AKR1C1: variants seen among roughly 807,000 people sequenced by gnomAD.
AKR1C1 encodes 20 alpha-hydroxysteroid dehydrogenase.
AKR1C1 carries 32 observed loss-of-function variants against 40.6 expected under a neutral mutation model. The ratio of observed to expected loss-of-function variants is 0.79; its 90% CI spans 0.60 to 1.06. The LOEUF (loss-of-function observed/expected upper bound fraction) is 1.06. Among genes scored for constraint, AKR1C1 ranks in the 50% least tolerant of loss-of-function variants. AKR1C1 has a pLI of 0.00. For synonymous variants in AKR1C1, 105 were observed against 134.2 expected (o/e 0.78, Z 1.50); for missense variants, 320 against 363.5 (o/e 0.88, Z 0.97).
chr10:4,965,699 C>T (rs571949922), intron 1 of AKR1C1: 12 of 493,834 alleles, frequency 2.4e-5, no homozygotes, highest in Non-Finnish European at 4.2e-5. Flanking sequence ...AGTGGTCAAG[C>T]AGTGATTTTT....
At position 4,977,680 on chromosome 10, in the gene AKR1C1, A is replaced by T. The variant is rs1564319381; in HGVS notation, c.930-20A>T. Reference sequence around the variant, plus strand: ...GGAGTCATTGCCATTCAGAGTGTGCATTTTTTTTTCTCTTTCCAGTTTTGC... The same window carrying T: ...GGAGTCATTGCCATTCAGAGTGTGCTTTTTTTTTTCTCTTTCCAGTTTTGC... On this transcript the variant is annotated intron_variant, in intron 8 of 8. Transcript: ENST00000380872. 3 of 1,597,970 alleles carry T rather than the reference A, an allele frequency of 1.9e-6. No homozygotes were observed. Among genetic ancestry groups the T allele is most frequent in the Non-Finnish European group, 2.6e-6 (3 of 1,169,826 alleles).
At chr10:4,966,726 T>G (rs1707922945) in intron 2 of AKR1C1, among the ~76,000 whole-genome samples, 6 of 152,244 alleles carry the variant, frequency 3.9e-5, no homozygotes, top group Admixed American at 3.9e-4. Flanking sequence ...TCATTCAATA[T>G]ATGTACTAAC....
In AKR1C1 at chr10:4,966,038, C is replaced by A. The variant is rs1836327884; in HGVS notation, c.209C>A (p.Ala70Glu). Residue 70 changes from alanine (A) to glutamate (E), a missense_variant, in exon 2 of 9, where the codon GCA (alanine) becomes GAA (glutamate). Around this residue, in one of 3 missense-constraint regions of AKR1C1, gnomAD observed 214 missense variants for 214.8 expected, o/e 1.00. Coordinates refer to ENST00000380872, the MANE Select transcript of AKR1C1 (RefSeq NM_001353.6). Reference protein sequence around the residue: ...QVGLAIRSKIADGSVKREDIF... With the variant: ...QVGLAIRSKIEDGSVKREDIF... ...GGACTGGCCATCCGAAGCAAGATTG[C>A]AGATGGCAGTGTGAAGAGAGAAGAC... is the stretch of plus-strand genomic sequence containing the variant. 1 of 1,614,032 alleles carries A rather than the reference C, an allele frequency of 6.2e-7. No homozygotes were observed. Among genetic ancestry groups the A allele is most frequent in the South Asian group, 1.1e-5 (1 of 91,082 alleles).
At chr10:4,967,145 A>T (rs1351938098) in intron 3 of AKR1C1, 102 bp downstream of exon 3, 1 of 1,250,008 alleles carries the variant, frequency 8.0e-7, no homozygotes, top group Admixed American at 2.0e-5. Flanking sequence ...GGACATAGGG[A>T]TTATAACATA....
intron 7 of AKR1C1, among the ~76,000 whole-genome samples, chr10:4,974,576 A>G (rs1412727902): frequency 6.6e-6 from 1 of 152,022 alleles, no homozygotes; most frequent in African/African-American, 2.4e-5. Context: ...GTTAATTCTA[A>G]TGGGATTGAC....
rs1836578199 is a variant in AKR1C1 at position 4,979,292 on chromosome 10, C to A, written c.*1550C>A. On this transcript the variant is annotated 3_prime_UTR_variant, in exon 9 of 9. Transcript: ENST00000380872. ...CTGCATTAAATATTAAATATCACTT[C>A]TAGGCTGAAAAATCCCCCTAAAAAT... 6.6e-6 allele frequency: 1 copy of A among 152,198 alleles called. No individual in the cohort carries two copies. The highest frequency in any genetic ancestry group is 1.5e-5 in the Non-Finnish European group (1 of 68,020). 9.4% of individuals were successfully genotyped at this position (152,198 alleles called of 1,614,324 possible).
intron 5 of AKR1C1, 51 bp downstream of exon 5, chr10:4,968,995 G>A: frequency 1.2e-6 from 2 of 1,613,140 alleles, no homozygotes; most frequent in Non-Finnish European, 1.7e-6. Context: ...CCCTCTTTCT[G>A]TCCTATTGCC....
rs1836568157 is a variant in AKR1C1, at chr10:4,978,768, A to G, written c.*1026A>G. ...GGGAAATAATACATCTAATAAATCA[A>G]ATGTTCCAAGACTTCAAAGGTCTTT... On this transcript the variant is annotated 3_prime_UTR_variant, in exon 9 of 9. Transcript: ENST00000380872. The G allele has an allele frequency of 6.6e-6, 1 of 152,232 alleles. No individual in the cohort carries two copies. Among genetic ancestry groups the G allele is most frequent in the Admixed American group, 6.5e-5 (1 of 15,270 alleles). The allele number at this position is 152,232 out of a possible 1,614,324, so 9.4% of individuals were successfully genotyped here.
chr10:4,983,088 A>C lies in AKR1C1; in HGVS notation c.*5346A>C. The C allele has an allele frequency of 2.9e-6, 1 of 348,736 alleles. No individual in the cohort carries two copies. The highest frequency in any genetic ancestry group is 2.3e-5 in the South Asian group (1 of 43,430). The allele number at this position is 348,736 out of a possible 1,614,324, so 21.6% of individuals were successfully genotyped here. A position where few individuals can be genotyped will look rare whatever the true frequency, so the allele number is the denominator to read the frequency against. On this transcript the variant is annotated 3_prime_UTR_variant, in exon 9 of 9. Coordinates refer to ENST00000380872, the MANE Select transcript of AKR1C1 (RefSeq NM_001353.6). ...GGTGAAGCCTGGGCTGGATGGCTGG[A>C]GGATGAAGAACTGCACGGAGGAGAT...
chr10:4,969,693 T>A (rs755495625), intron 5 of AKR1C1: 148 of 1,611,918 alleles, frequency 9.2e-5, no homozygotes, highest in Admixed American at 1.2e-4. Context: ...TAATTCCATC[T>A]TTTCCTTGAG....
chr10:4,969,982 T>C (rs527778756), intron 5 of AKR1C1: 149 of 430,276 alleles, frequency 3.5e-4, no homozygotes, highest in African/African-American at 2.5e-3. Context: ...TTTTTTAATA[T>C]GGCCATTTTC....
At chr10:4,972,914 A>G (rs1415380521) in intron 7 of AKR1C1, among the ~76,000 whole-genome samples, 165 bp downstream of exon 7, 4 of 152,282 alleles carry the variant, frequency 2.6e-5, no homozygotes, top group African/African-American at 9.6e-5. Context: ...CTAGCACAGG[A>G]GAGGCAACAG....
rs1473726250 is a variant in AKR1C1 at position 4,979,202 on chromosome 10, G to C, written c.*1460G>C. ...ATTGGAGTAGGCCATAAACTTTGGA[G>C]GGCCCTAGACCAATTTTTTGGATTA... On this transcript the variant is annotated 3_prime_UTR_variant, in exon 9 of 9. Transcript: ENST00000380872. 1 of 152,134 alleles carries C rather than the reference G, an allele frequency of 6.6e-6. No individual in the cohort carries two copies. The highest frequency in any genetic ancestry group is 1.5e-5 in the Non-Finnish European group (1 of 68,020). 9.4% of individuals were successfully genotyped at this position (152,134 alleles called of 1,614,324 possible).
In AKR1C1 at chr10:4,981,039, T is replaced by C. The variant is rs1347965537; in HGVS notation, c.*3297T>C. The stretch of plus-strand genomic sequence containing the variant: ...TTAGCAGGCATGGAAAGAACAGTAA[T>C]CTCTTTCAACCTCTGTAAGAGAGTT... On this transcript the variant is annotated 3_prime_UTR_variant, in exon 9 of 9. Coordinates refer to ENST00000380872, the MANE Select transcript of AKR1C1 (RefSeq NM_001353.6). The C allele has an allele frequency of 6.6e-6, 1 of 152,216 alleles. No individual in the cohort carries two copies. Among genetic ancestry groups the C allele is most frequent in the Non-Finnish European group, 1.5e-5 (1 of 68,030 alleles). The allele number at this position is 152,216 out of a possible 1,614,324, so 9.4% of individuals were successfully genotyped here.
At chr10:4,967,117 C>T in intron 3 of AKR1C1, 74 bp downstream of exon 3, 1 of 1,456,844 alleles carries the variant, frequency 6.9e-7, no homozygotes, top group South Asian at 1.2e-5. Flanking sequence ...GATATTTGAA[C>T]TAAGCATTTT....
In AKR1C1 at chr10:4,981,830, A is replaced by G. The variant is rs1836620918; in HGVS notation, c.*4088A>G. ...ATATGAGCACAGAAGCTGGGTGTCCAGCCTTGTGGGCAGACCGGGAGGGAT... is the reference window on the plus strand; with the variant it reads ...ATATGAGCACAGAAGCTGGGTGTCCGGCCTTGTGGGCAGACCGGGAGGGAT... On this transcript the variant is annotated 3_prime_UTR_variant, in exon 9 of 9. Coordinates refer to ENST00000380872, the MANE Select transcript of AKR1C1 (RefSeq NM_001353.6). 6.6e-6 allele frequency: 1 copy of G among 152,274 alleles called. No individual in the cohort carries two copies. 9.4% of individuals were successfully genotyped at this position (152,274 alleles called of 1,614,324 possible).
In AKR1C1 at chr10:4,979,829, A is replaced by AT. The variant is rs1308651173; in HGVS notation, c.*2093dup. On this transcript the variant is annotated 3_prime_UTR_variant, in exon 9 of 9. Coordinates refer to ENST00000380872, the MANE Select transcript of AKR1C1 (RefSeq NM_001353.6). ...GGGACCTCCAATCACTAATTTTCCT[A>AT]TTTTTTCTCTCAAAGAAATGCTGAA... is the stretch of plus-strand genomic sequence containing the variant. 1.3e-5 allele frequency: 2 copies of AT among 151,478 alleles called. No individual in the cohort carries two copies. Among genetic ancestry groups the AT allele is most frequent in the Non-Finnish European group, 2.9e-5 (2 of 67,892 alleles). 9.4% of individuals were successfully genotyped at this position (151,478 alleles called of 1,614,324 possible).
At chr10:4,975,611 T>C (rs797028978) in intron 7 of AKR1C1, among the ~76,000 whole-genome samples, 6,978 of 142,992 alleles carry the variant, frequency 0.049, no homozygotes, top group Middle Eastern at 0.076. Context: ...TCCTCTGAGA[T>C]ATTCTCTTCA....
intron 1 of AKR1C1, 187 bp from the exon 2 acceptor site, chr10:4,965,726 TC>T (rs1836319725): frequency 1.7e-6 from 1 of 591,562 alleles, no homozygotes; most frequent in Non-Finnish European, 2.8e-6. Flanking sequence ...CTGCAGAAGT[TC>T]CTGCTGTGCC....
Sources: gnomAD v4.1 joint callset for allele counts (sites outside exome capture counted in the v4.1 genomes callset) on GRCh38, gnomAD v4.1.1 for gene constraint, gnomAD v4.1.1 regional missense constraint, MANE v1.5 for transcripts, NCBI Gene and HGNC (gene_info 2026-07-23, HGNC 2026-07-21) for gene names.